The following DPY19L4 variants were observed in gnomAD, a reference collection of about 807,000 sequenced individuals.
The protein encoded by DPY19L4 is probable C-mannosyltransferase DPY19L4.
In DPY19L4, 97 loss-of-function variants were observed where a neutral mutation model predicts 102.8. The ratio of observed to expected loss-of-function variants is 0.94; its 90% CI spans 0.80 to 1.12. The LOEUF is 1.12. DPY19L4 is among the 50% of genes most tolerant of loss of function. The pLI, the probability that DPY19L4 is intolerant of heterozygous loss-of-function variation, is 0.00. For synonymous variants in DPY19L4, 252 were observed against 283.1 expected (o/e 0.89, Z 1.10); for missense variants, 815 against 850.4 (o/e 0.96, Z 0.52).
chr8:94,780,415 G>C lies in DPY19L4; in HGVS notation c.1632G>C (p.Glu544Asp). ...TAATAGGTCTCAGCTTATGGAAAGA[G>C]GTAAAAAAATTAGATTTTTATATTA... ...PTIIGLSLWK[E>D]FFPRLMTELM... The change falls in exon 15 of 19, where the codon GAG becomes GAC. Residue 544 changes from glutamate to aspartate, a missense_variant and splice_region_variant. Transcript: ENST00000414645. 1 of 1,448,920 alleles carries C rather than the reference G, an allele frequency of 6.9e-7. No individual in the cohort carries two copies. The allele number at this position is 1,448,920 out of a possible 1,614,324, so 89.8% of individuals were successfully genotyped here. A position where few individuals can be genotyped will look rare whatever the true frequency, so the allele number is the denominator to read the frequency against.
intron 6 of DPY19L4, among the ~76,000 whole-genome samples, chr8:94,740,739 G>A (rs1390840550): frequency 3.9e-5 from 6 of 152,214 alleles, no homozygotes. Context: ...ACAGGTGTGA[G>A]CCACTGCGCC....
At chr8:94,765,675 C>A (rs1168805233) in intron 9 of DPY19L4, 36 bp from the exon 10 acceptor site, 1 of 1,440,806 alleles carries the variant, frequency 6.9e-7, no homozygotes, top group Non-Finnish European at 9.7e-7. Flanking sequence ...TTTTTTAACA[C>A]CTCACTTCTT....
intron 3 of DPY19L4, among the ~76,000 whole-genome samples, chr8:94,735,858 A>G (rs1275197452): frequency 6.6e-6 from 1 of 152,214 alleles, no homozygotes; most frequent in African/African-American, 2.4e-5. Flanking sequence ...GCACTGATTG[A>G]GAGTTTACAT....
chr8:94,726,626 A>G (rs560760684), intron 2 of DPY19L4, among the ~76,000 whole-genome samples, 185 bp downstream of exon 2: 2 of 152,266 alleles, frequency 1.3e-5, no homozygotes, highest in Admixed American at 6.5e-5. Flanking sequence ...TTAATATTAC[A>G]TGTTGTGGCT....
At chr8:94,733,441 A>C (rs1300729911) in intron 2 of DPY19L4, among the ~76,000 whole-genome samples, 3 of 152,032 alleles carry the variant, frequency 2.0e-5, no homozygotes, top group Non-Finnish European at 4.4e-5. Flanking sequence ...AACCATTTTT[A>C]AGTGTAGCGT....
chr8:94,725,311 TC>T (rs1207314262), intron 1 of DPY19L4, among the ~76,000 whole-genome samples: 1 of 152,240 alleles, frequency 6.6e-6, no homozygotes, highest in Non-Finnish European at 1.5e-5. Context: ...AGTATCATAA[TC>T]TATCCCACAA....
In DPY19L4 at chr8:94,792,912, CAA is replaced by C. The variant is rs966536526; in HGVS notation, c.*3004_*3005del. The C allele has an allele frequency of 1.3e-5, 2 of 152,040 alleles. No individual in the cohort carries two copies. Among genetic ancestry groups the C allele is most frequent in the Non-Finnish European group, 2.9e-5 (2 of 68,016 alleles). 9.4% of individuals were successfully genotyped at this position (152,040 alleles called of 1,614,324 possible). On this transcript the variant is annotated 3_prime_UTR_variant, in exon 19 of 19. Coordinates refer to ENST00000414645, the MANE Select transcript of DPY19L4 (RefSeq NM_181787.3). The stretch of plus-strand genomic sequence containing the variant: ...AGCCTCCTAAGTTAATTTAGCCTCC[CAA>C]ATGCCAGACAAAGAATCTAACATAA...
intron 16 of DPY19L4, among the ~76,000 whole-genome samples, chr8:94,781,943 T>A (rs1813449341): frequency 6.6e-6 from 1 of 152,202 alleles, no homozygotes; most frequent in Admixed American, 6.5e-5. Context: ...TGACAAATCC[T>A]CAACCCATGT....
At chr8:94,741,927 A>C (rs1293528061) in intron 6 of DPY19L4, among the ~76,000 whole-genome samples, 1 of 152,226 alleles carries the variant, frequency 6.6e-6, no homozygotes, top group Admixed American at 6.5e-5. Flanking sequence ...TAGGAGGACA[A>C]GATGATTTTT....
At chr8:94,722,377 A>G (rs1308048905) in intron 1 of DPY19L4, among the ~76,000 whole-genome samples, 1 of 152,226 alleles carries the variant, frequency 6.6e-6, no homozygotes, top group Admixed American at 6.5e-5. Flanking sequence ...ACTGCACTCC[A>G]GCCTGGGTGA....
chr8:94,731,447 G>A (rs1261522901), intron 2 of DPY19L4, among the ~76,000 whole-genome samples: 1 of 152,092 alleles, frequency 6.6e-6, no homozygotes, highest in South Asian at 2.1e-4. Context: ...ATGGAGTTTC[G>A]CTCTTGTGGC....
chr8:94,774,835 C>T (rs1243983022), intron 13 of DPY19L4, among the ~76,000 whole-genome samples: 1 of 152,132 alleles, frequency 6.6e-6, no homozygotes, highest in African/African-American at 2.4e-5. Flanking sequence ...CCTCGGCCCC[C>T]CAAAGTGCTG....
chr8:94,761,189 T>G (rs73697019), intron 7 of DPY19L4, among the ~76,000 whole-genome samples: 3,949 of 152,260 alleles, frequency 0.026, 171 homozygotes, highest in African/African-American at 0.09. Flanking sequence ...TAATAGAGCC[T>G]GAAAGTTTCA....
At chr8:94,738,515 T>C in intron 4 of DPY19L4, 56 bp downstream of exon 4, 1 of 1,131,688 alleles carries the variant, frequency 8.8e-7, no homozygotes, top group Non-Finnish European at 1.2e-6. Flanking sequence ...TCTTTTCTTT[T>C]CTTTTTTTTT....
intron 8 of DPY19L4, 58 bp from the exon 9 acceptor site, chr8:94,765,125 G>A: frequency 8.2e-7 from 1 of 1,215,676 alleles, no homozygotes. Flanking sequence ...TAAAACAAAT[G>A]AAAATATGTA....
At chr8:94,762,950 C>T (rs2130879328) in intron 8 of DPY19L4, among the ~76,000 whole-genome samples, 1 of 139,386 alleles carries the variant, frequency 7.2e-6, no homozygotes, top group Non-Finnish European at 1.5e-5. Context: ...ACAGTGAGGT[C>T]TCTCTTTTTT....
intron 7 of DPY19L4, among the ~76,000 whole-genome samples, chr8:94,759,567 C>T (rs935468552): frequency 7.7e-6 from 1 of 129,930 alleles, no homozygotes; most frequent in African/African-American, 3.0e-5. Flanking sequence ...AGTGCAATGG[C>T]ATGATCTCAG....
At chr8:94,773,478 C>T (rs1271324519) in intron 13 of DPY19L4, among the ~76,000 whole-genome samples, 2 of 152,048 alleles carry the variant, frequency 1.3e-5, no homozygotes, top group African/African-American at 4.8e-5. Flanking sequence ...GTCGCCCAGG[C>T]TGGAGTGTAG....
intron 6 of DPY19L4, 87 bp downstream of exon 6, chr8:94,739,877 C>A: frequency 1.4e-6 from 2 of 1,478,236 alleles, no homozygotes; most frequent in Non-Finnish European, 1.8e-6. Flanking sequence ...CCCCAACAGT[C>A]CTCACTCTAA....
Sources: allele counts gnomAD v4.1 joint callset (sites outside exome capture counted in the v4.1 genomes callset), GRCh38; gene constraint gnomAD v4.1.1; transcripts MANE v1.5; gene names NCBI Gene and HGNC (gene_info 2026-07-23, HGNC 2026-07-21).